LINGO1: variants seen among roughly 807,000 people sequenced by gnomAD.
The protein encoded by LINGO1 is leucine-rich repeat and immunoglobulin-like domain-containing nogo receptor-interacting protein 1.
In LINGO1, 11 loss-of-function variants were observed where a neutral mutation model predicts 37.3. The observed-to-expected ratio is 0.29, with a 90% CI of 0.19 to 0.49. The LOEUF (loss-of-function observed/expected upper bound fraction) is 0.49. Ranked by LOEUF, LINGO1 falls within the 20% of genes least tolerant of loss-of-function variation. The probability of loss-of-function intolerance (pLI) is 0.99; values close to 1 mark genes in which losing one functional copy is unlikely to be tolerated. For missense variants in LINGO1, 585 were observed against 878.2 expected, an observed-to-expected ratio of 0.67 and a Z score of 4.22; for synonymous variants, 387 against 403.0, an observed-to-expected ratio of 0.96 and a Z score of 0.48.
chr15:77,818,187 C>A (rs1384742980), intron 1 of LINGO1, among the ~76,000 whole-genome samples: 1 of 152,182 alleles, frequency 6.6e-6, no homozygotes, highest in Non-Finnish European at 1.5e-5. Context: ...GAAAAACCTG[C>A]CCTGGAAACA....
Position 77,615,044 on chromosome 15 carries a change from T to C in LINGO1, c.863A>G (p.Tyr288Cys), listed in dbSNP as rs750612085. 7 of 1,613,818 alleles carry C rather than the reference T, an allele frequency of 4.3e-6. No individual in the cohort carries two copies. Among genetic ancestry groups the C allele is most frequent in the African/African-American group, 1.3e-5 (1 of 74,960 alleles). Residue 288 changes from tyrosine (Y) to cysteine (C), a missense_variant, in exon 2 of 2, where the codon TAT (tyrosine) becomes TGT (cysteine). Tyr to Cys is a radical substitution (Grantham distance 194, BLOSUM62 -2). Around this residue, in one of 4 missense-constraint regions of LINGO1, gnomAD observed 484 missense variants for 735.0 expected, o/e 0.66. Transcript: ENST00000355300. ...GTAGGAGAGGTTGAGGAAGCGGAGA[T>C]AGACTAGGTGGCGGACGGCCAGGTA... ...VPYLAVRHLVYLRFLNLSYNP... is the reference protein window; with the variant it reads ...VPYLAVRHLVCLRFLNLSYNP...
chr15:77,630,744 G>A (rs74561024), intron 1 of LINGO1, among the ~76,000 whole-genome samples: 1 of 152,336 alleles, frequency 6.6e-6, no homozygotes, highest in East Asian at 1.9e-4. Context: ...GGGGGGCAGA[G>A]ACAAGAACAC....
intron 1 of LINGO1, among the ~76,000 whole-genome samples, chr15:77,752,970 ACTG>A (rs1333514190): frequency 6.6e-6 from 1 of 152,154 alleles, no homozygotes; most frequent in Non-Finnish European, 1.5e-5. Flanking sequence ...AGCCTTCCTG[ACTG>A]CTCCATCCTA....
At chr15:77,633,118 C>T (rs549664233), upstream of LINGO1, among the ~76,000 whole-genome samples, 398 of 151,676 alleles carry the variant, frequency 2.6e-3, no homozygotes, top group Non-Finnish European at 4.9e-3. Flanking sequence ...GCGAAACAGG[C>T]AGGGGTGCGC....
chr15:77,800,487 G>A (rs1428958294), intron 1 of LINGO1, among the ~76,000 whole-genome samples: 1 of 152,156 alleles, frequency 6.6e-6, no homozygotes, highest in East Asian at 1.9e-4. Context: ...AGATGGAGAT[G>A]GAGCATGGAC....
chr15:77,676,859 G>A (rs559664792), intron 3 of LINGO1, among the ~76,000 whole-genome samples: 22 of 152,322 alleles, frequency 1.4e-4, no homozygotes, highest in Admixed American at 4.6e-4. Flanking sequence ...GCCTGGTGAG[G>A]AAGAATGGCT....
chr15:77,797,778 TGGGGCTCCA>T (rs1423437279), intron 1 of LINGO1, among the ~76,000 whole-genome samples: 1 of 152,208 alleles, frequency 6.6e-6, no homozygotes, highest in Non-Finnish European at 1.5e-5. Context: ...GATGGGTGGA[TGGGGCTCCA>T]AGGTGACAGC....
At chr15:77,702,184 G>A (rs1171361092) in intron 2 of LINGO1, among the ~76,000 whole-genome samples, 1 of 152,164 alleles carries the variant, frequency 6.6e-6, no homozygotes, top group Non-Finnish European at 1.5e-5. Flanking sequence ...GTAGGGCTGT[G>A]GGGCTCTACC....
chr15:77,672,000 GCCTCCTCCT>G lies in LINGO1; in HGVS notation c.-13+5080_-13+5088del, dbSNP rs10559337. ...AAGACCAAACACATGATGAGCCTCT[GCCTCCTCCT>G]CCTCCTCCTCCTCCTCCTCCTCCTC... On this transcript the variant is annotated intron_variant, in intron 3 of 3. Transcript: ENST00000559893. Among the ~76,000 whole-genome samples, 491 of 145,676 alleles carry G rather than the reference GCCTCCTCCT, an allele frequency of 3.4e-3. 4 individuals are homozygous for G. The highest frequency in any genetic ancestry group is 0.012 in the Admixed American group (179 of 14,994).
At chr15:77,694,965 C>G (rs1313877395) in intron 1 of LINGO1, among the ~76,000 whole-genome samples, 2 of 152,036 alleles carry the variant, frequency 1.3e-5, no homozygotes, top group Non-Finnish European at 2.9e-5. Context: ...CACCCACTGG[C>G]ACTACATCAT....
chr15:77,683,354 G>A (rs1417467239), intron 2 of LINGO1, among the ~76,000 whole-genome samples: 3 of 152,172 alleles, frequency 2.0e-5, no homozygotes, highest in Non-Finnish European at 4.4e-5. Context: ...CCGGCCACTC[G>A]CATCTAGAAA....
chr15:77,689,639 C>T (rs753145364), intron 2 of LINGO1, among the ~76,000 whole-genome samples: 13 of 152,154 alleles, frequency 8.5e-5, no homozygotes, highest in Admixed American at 6.5e-5. Context: ...GAATTATGTT[C>T]CAGGGTTCCC....
intron 2 of LINGO1, among the ~76,000 whole-genome samples, chr15:77,711,699 T>C (rs911332472): frequency 6.6e-6 from 1 of 152,220 alleles, no homozygotes; most frequent in African/African-American, 2.4e-5. Context: ...TTCTGCTCTA[T>C]TTCACAAATG....
At chr15:77,626,989 G>A (rs1396203723) in intron 1 of LINGO1, among the ~76,000 whole-genome samples, 1 of 122,872 alleles carries the variant, frequency 8.1e-6, no homozygotes. Context: ...CCTGCACTGG[G>A]CTAGGCAGAA....
upstream of LINGO1, among the ~76,000 whole-genome samples, chr15:77,637,805 G>A (rs1401100478): frequency 6.6e-6 from 1 of 152,168 alleles, no homozygotes; most frequent in East Asian, 1.9e-4. This position sits in a 1 kb window ranked among gnomAD's most constrained non-coding sequence, Gnocchi z 4.6. Flanking sequence ...GATTCATCTT[G>A]TCTCCTCCAG....
intron 2 of LINGO1, among the ~76,000 whole-genome samples, chr15:77,719,117 T>C (rs1169283939): frequency 1.3e-5 from 2 of 149,908 alleles, no homozygotes; most frequent in Non-Finnish European, 3.0e-5. Flanking sequence ...AGGGGGCCAG[T>C]TGACTGGGCA....
chr15:77,692,325 A>T, intron 1 of LINGO1, among the ~76,000 whole-genome samples: 1 of 152,198 alleles, frequency 6.6e-6, no homozygotes, highest in East Asian at 1.9e-4. Flanking sequence ...TACTTCCCAA[A>T]TATTCTGCAA....
At chr15:77,679,905 T>C (rs148928011) in intron 2 of LINGO1, among the ~76,000 whole-genome samples, 14 of 152,302 alleles carry the variant, frequency 9.2e-5, no homozygotes, top group African/African-American at 3.4e-4. Context: ...CAGCCGTGGC[T>C]CTTCTGAAAC....
At chr15:77,625,683 G>A (rs2074066891) in intron 1 of LINGO1, among the ~76,000 whole-genome samples, 2 of 152,114 alleles carry the variant, frequency 1.3e-5, no homozygotes, top group Non-Finnish European at 1.5e-5. Flanking sequence ...CTAAAGTCCC[G>A]CAGTGATGAG....
Sources: gnomAD v4.1 joint callset for allele counts (sites outside exome capture counted in the v4.1 genomes callset) on GRCh38, gnomAD v4.1.1 for gene constraint, gnomAD v4.1.1 regional missense constraint, Gnocchi (gnomAD v3.1) non-coding constraint, MANE v1.5 for transcripts, NCBI Gene and HGNC (gene_info 2026-07-23, HGNC 2026-07-21) for gene names.